Variants in ABCA1 observed in about 807,000 individuals in gnomAD.
ABCA1 encodes phospholipid-transporting ATPase ABCA1.
In ABCA1, 133 loss-of-function variants were observed where a neutral mutation model predicts 262.5. That is an observed-to-expected ratio of 0.51 (90% CI 0.44 to 0.59). The LOEUF is 0.59. ABCA1 is among the 20% of genes least tolerant of loss of function. The probability of loss-of-function intolerance (pLI) is 0.00; values close to 1 mark genes in which losing one functional copy is unlikely to be tolerated. For synonymous variants in ABCA1, 1,022 were observed against 1,043.5 expected (o/e 0.98, Z 0.40); for missense variants, 2,452 against 2,777.5 (o/e 0.88, Z 2.63).
In ABCA1 at chr9:104,793,296, C is replaced by T. The variant is rs749183492; in HGVS notation, c.5511G>A (p.Glu1837=). Residue 1837 remains glutamate, a synonymous_variant, in exon 41 of 50, where the codon GAG becomes GAA. Coordinates refer to ENST00000374736, the MANE Select transcript of ABCA1 (RefSeq NM_005502.4). Reference sequence around the variant, plus strand: ...AAGATAATGGTGACACAAAGCGATTCTCCCCTAGTAGACACAATGCAGAGA... The same window carrying T: ...AAGATAATGGTGACACAAAGCGATTTTCCCCTAGTAGACACAATGCAGAGA... ...AMADALERFG[E]NRFVSPLSWD... 3.1e-6 allele frequency: 5 copies of T among 1,614,106 alleles called. No individual in the cohort carries two copies. In the Middle Eastern group the frequency reaches 5.0e-4, roughly 160 times the overall value.
In ABCA1 at chr9:104,796,081, G is replaced by A; in HGVS notation, c.5354C>T (p.Thr1785Ile). Reference protein sequence around the residue: ...LFIGINGSVATFVLELFTDNK... With the variant: ...LFIGINGSVAIFVLELFTDNK... ...GTCGGTGAACAGCTCCAGCACAAAG[G>A]TGGCCACGCTGCCATTAATGCCAAT... The change falls in exon 39 of 50, where the codon ACC becomes ATC. Residue 1785 changes from threonine to isoleucine, a missense_variant. Physicochemically the swap from Thr to Ile is moderately conservative, Grantham distance 89 (BLOSUM62 -1). Around this residue, in one of 4 missense-constraint regions of ABCA1, gnomAD observed 752 missense variants for 944.5 expected, o/e 0.80. Coordinates refer to ENST00000374736, the MANE Select transcript of ABCA1 (RefSeq NM_005502.4). 6.2e-7 allele frequency: 1 copy of A among 1,613,030 alleles called. No homozygotes were observed. The highest frequency in any genetic ancestry group is 8.5e-7 in the Non-Finnish European group (1 of 1,179,994).
At chr9:104,872,268 G>C (rs185503427) in intron 5 of ABCA1, among the ~76,000 whole-genome samples, 3 of 152,196 alleles carry the variant, frequency 2.0e-5, no homozygotes, top group African/African-American at 7.2e-5. Flanking sequence ...CAAACAAGTG[G>C]TAAATTTGAA....
chr9:104,848,240 G>A (rs1835065157), intron 7 of ABCA1, among the ~76,000 whole-genome samples: 1 of 152,194 alleles, frequency 6.6e-6, no homozygotes, highest in African/African-American at 2.4e-5. Context: ...AATCATGGCA[G>A]AATTGTAAAT....
In ABCA1 at chr9:104,819,676, A is replaced by G; in HGVS notation, c.3151T>C (p.Ser1051Pro). The G allele has an allele frequency of 1.2e-6, 2 of 1,614,184 alleles. No individual in the cohort carries two copies. Among genetic ancestry groups the G allele is most frequent in the Non-Finnish European group, 1.7e-6 (2 of 1,180,028 alleles). ...LSVALAFVGG[S>P]KVVILDEPTA... ...GGTTCATCCAGAATGACAACCTTAG[A>G]TCCCCCGACAAAGGCCAAGGCCACA... Residue 1051 changes from serine to proline, a missense_variant, in exon 22 of 50, where the codon TCT (serine) becomes CCT (proline). Ser to Pro is a moderately conservative substitution (Grantham distance 74). Around this residue, in one of 4 missense-constraint regions of ABCA1, gnomAD observed 665 missense variants for 727.3 expected, o/e 0.91. Transcript: ENST00000374736.
chr9:104,786,734 A>C, intron 47 of ABCA1, 139 bp downstream of exon 47: 1 of 825,126 alleles, frequency 1.2e-6, no homozygotes, highest in South Asian at 1.5e-5. Context: ...TTTTTGTAAG[A>C]ATATGCATAT....
At chr9:104,802,458 C>A (rs778505693) in intron 33 of ABCA1, among the ~76,000 whole-genome samples, 1 of 152,110 alleles carries the variant, frequency 6.6e-6, no homozygotes, top group East Asian at 1.9e-4. Flanking sequence ...CCCAGTGGCT[C>A]GTGTGTGAAT....
At chr9:104,824,412 G>A in intron 18 of ABCA1, 53 bp downstream of exon 18, 1 of 1,611,738 alleles carries the variant, frequency 6.2e-7, no homozygotes, top group Non-Finnish European at 8.5e-7. Flanking sequence ...CCAACAGTTA[G>A]CAGAGGCAGC....
Position 104,809,575 on chromosome 9 carries a change from ATGAGAGGC to A in ABCA1, c.4176-19_4176-12del. On this transcript the variant is annotated splice_polypyrimidine_tract_variant and intron_variant, in intron 29 of 49. Transcript: ENST00000374736. ...TCAGGAGCATCATTGCTGTGGGTAC[ATGAGAGGC>A]AGCCAGCTTAGTAATTCATTAAAAC... The A allele has an allele frequency of 6.2e-7, 1 of 1,610,156 alleles. No individual in the cohort carries two copies. Among genetic ancestry groups the A allele is most frequent in the East Asian group, 2.2e-5 (1 of 44,878 alleles).
chr9:104,861,458 T>C, intron 6 of ABCA1: 1 of 617,630 alleles, frequency 1.6e-6, no homozygotes, highest in South Asian at 1.9e-5. Context: ...ATCAATTTTA[T>C]TTTAACCAGC....
intron 7 of ABCA1, among the ~76,000 whole-genome samples, chr9:104,849,158 C>T (rs1490797461): frequency 6.6e-6 from 1 of 152,190 alleles, no homozygotes; most frequent in Non-Finnish European, 1.5e-5. Flanking sequence ...CAAGCTTATT[C>T]TCCTTCTCTT....
chr9:104,862,669 C>T (rs568004293), intron 5 of ABCA1, among the ~76,000 whole-genome samples: 4 of 9,814 alleles, frequency 4.1e-4, no homozygotes, highest in Non-Finnish European at 8.9e-4. Context: ...CGGGCCGGGC[C>T]GGGCCGGGCC....
In ABCA1 at chr9:104,781,635, G is replaced by A. The variant is rs567952864; in HGVS notation, c.*2680C>T. On this transcript the variant is annotated 3_prime_UTR_variant, in exon 50 of 50. Transcript: ENST00000374736. ...CAGATAATGAAATACAGTAGTGTGA[G>A]GTTTGGTTGTTTTTTAACAATGAAT... 2 of 152,704 alleles carry A rather than the reference G, an allele frequency of 1.3e-5. No homozygotes were observed. The highest frequency in any genetic ancestry group is 2.1e-4 in the South Asian group (1 of 4,820). The allele number at this position is 152,704 out of a possible 1,614,324, so 9.5% of individuals were successfully genotyped here.
chr9:104,836,207 C>T (rs751305097), intron 11 of ABCA1, among the ~76,000 whole-genome samples: 14 of 152,164 alleles, frequency 9.2e-5, no homozygotes, highest in Non-Finnish European at 2.1e-4. Context: ...GAAGTGTTCC[C>T]CCTAGGTAGG....
Position 104,819,468 on chromosome 9 carries a change from A to C in ABCA1, c.3241+118T>G, listed in dbSNP as rs2254884. On this transcript the variant is annotated intron_variant, in intron 22 of 49. Coordinates refer to ENST00000374736, the MANE Select transcript of ABCA1 (RefSeq NM_005502.4). Reference sequence around the variant, plus strand: ...CTCAATGCCCTTTATCTCTTCTGTGATAACAGAAGAGTATCCCATGGCTTC... The same window carrying C: ...CTCAATGCCCTTTATCTCTTCTGTGCTAACAGAAGAGTATCCCATGGCTTC... The C allele has an allele frequency of 0.29, 413,101 of 1,418,434 alleles. 63,479 individuals are homozygous for C. Among genetic ancestry groups the C allele is most frequent in the East Asian group, 0.53 (23,227 of 43,778 alleles). The allele number at this position is 1,418,434 out of a possible 1,614,324, so 87.9% of individuals were successfully genotyped here. A position where few individuals can be genotyped will look rare whatever the true frequency, so the allele number is the denominator to read the frequency against.
intron 5 of ABCA1, among the ~76,000 whole-genome samples, chr9:104,874,612 C>T (rs1279240472): frequency 2.0e-5 from 3 of 152,018 alleles, no homozygotes; most frequent in Non-Finnish European, 2.9e-5. Context: ...AAAACAGAGC[C>T]GGGCGCAGTG....
chr9:104,796,756 C>A (rs1226820801), intron 37 of ABCA1, among the ~76,000 whole-genome samples: 1 of 152,122 alleles, frequency 6.6e-6, no homozygotes, highest in Non-Finnish European at 1.5e-5. Context: ...TTCTTCTTCC[C>A]GAAGATGACT....
intron 11 of ABCA1, among the ~76,000 whole-genome samples, chr9:104,834,858 C>G (rs1833667477): frequency 6.6e-6 from 1 of 152,162 alleles, no homozygotes; most frequent in African/African-American, 2.4e-5. Context: ...GCTACCCCAG[C>G]AGAAGCAGAA....
Position 104,829,119 on chromosome 9 carries a change from G to A in ABCA1, c.1912C>T (p.Arg638Trp), listed in dbSNP as rs199571829. Reference protein sequence around the residue: ...VDDIFLRVMSRSMPLFMTLAW... With the variant: ...VDDIFLRVMSWSMPLFMTLAW... ...AGCGTCATGAAGAGGGGCATTGACC[G>A]GCTCATCACCCGCAGAAAGCTGGAG... The change falls in exon 15 of 50, where the codon CGG (arginine) becomes TGG (tryptophan). Residue 638 changes from arginine to tryptophan, a missense_variant. By Grantham distance (101) the Arg-to-Trp change is moderately radical. Coordinates refer to ENST00000374736, the MANE Select transcript of ABCA1 (RefSeq NM_005502.4). 2.6e-5 allele frequency: 42 copies of A among 1,614,128 alleles called. No homozygotes were observed. The highest frequency in any genetic ancestry group is 6.7e-5 in the East Asian group (3 of 44,880).
chr9:104,891,692 G>A (rs978922207), intron 2 of ABCA1, among the ~76,000 whole-genome samples: 15 of 151,020 alleles, frequency 9.9e-5, no homozygotes, highest in African/African-American at 3.4e-4. Flanking sequence ...TGTGGCTGGC[G>A]CAGTGGCTCC....
Sources: gnomAD v4.1 joint callset for allele counts (sites outside exome capture counted in the v4.1 genomes callset) on GRCh38, gnomAD v4.1.1 for gene constraint, gnomAD v4.1.1 regional missense constraint, MANE v1.5 for transcripts, NCBI Gene and HGNC (gene_info 2026-07-23, HGNC 2026-07-21) for gene names.